Variants in CELSR1 observed in about 807,000 individuals in gnomAD.
CELSR1 encodes the protein cadherin EGF LAG seven-pass G-type receptor 1.
A neutral mutation model predicts 249.1 loss-of-function variants in CELSR1; 110 were observed. That is an observed-to-expected ratio of 0.44 (90% CI 0.38 to 0.52). The LOEUF is 0.52. Ranked by LOEUF, CELSR1 falls within the 20% of genes least tolerant of loss-of-function variation. The pLI is 0.00. For synonymous variants in CELSR1, 2,113 were observed against 1,900.0 expected (o/e 1.11, Z -2.92); for missense variants, 4,109 against 4,296.4 (o/e 0.96, Z 1.22).
At chr22:46,453,519 TAA>T (rs1368109348) in intron 2 of CELSR1, among the ~76,000 whole-genome samples, 2 of 152,208 alleles carry the variant, frequency 1.3e-5, no homozygotes, top group Non-Finnish European at 2.9e-5. Context: ...CTTCATCTGA[TAA>T]GTGTAACCCC....
chr22:46,415,683 T>C (rs916237601), intron 5 of CELSR1, among the ~76,000 whole-genome samples: 5 of 151,866 alleles, frequency 3.3e-5, no homozygotes, highest in African/African-American at 1.2e-4. Flanking sequence ...CCTGCCACTC[T>C]CCACCTGAAG....
In CELSR1 at chr22:46,484,053, A is replaced by C. The variant is rs747719868; in HGVS notation, c.3545-19708T>G. Among the ~76,000 whole-genome samples, 2 of 152,210 alleles carry C rather than the reference A, an allele frequency of 1.3e-5. No homozygotes were observed. The highest frequency in any genetic ancestry group is 2.9e-5 in the Non-Finnish European group (2 of 68,036). ...ATTTCACGGAGCACAGAACATTCCC[A>C]GGCTCCCACGGGCTCCCACGCTCTG... On this transcript the variant is annotated intron_variant, in intron 1 of 34. Transcript: ENST00000674500. The surrounding 1 kb of genome is among the most constrained non-coding windows in gnomAD (Gnocchi z 4.5).
At chr22:46,424,005 G>A (rs1335078654) in intron 5 of CELSR1, among the ~76,000 whole-genome samples, 1 of 152,114 alleles carries the variant, frequency 6.6e-6, no homozygotes, top group Non-Finnish European at 1.5e-5. Flanking sequence ...TGTTGTTTTG[G>A]AGAGCATAGG....
At chr22:46,422,677 G>A (rs1352466000) in intron 5 of CELSR1, among the ~76,000 whole-genome samples, 1 of 151,456 alleles carries the variant, frequency 6.6e-6, no homozygotes, top group Non-Finnish European at 1.5e-5. Flanking sequence ...TGAGGCAGGA[G>A]AATGGTGTGA....
At chr22:46,508,462 C>T (rs1346264669) in intron 1 of CELSR1, among the ~76,000 whole-genome samples, 34 of 148,160 alleles carry the variant, frequency 2.3e-4, no homozygotes, top group Non-Finnish European at 9.0e-5. Flanking sequence ...GCTGTCCCCT[C>T]GCTGTCCCCT....
rs141590674 is a variant in CELSR1, at chr22:46,377,114, G to C, written c.7531C>G (p.Leu2511Val). 3.9e-5 allele frequency: 63 copies of C among 1,613,564 alleles called. No individual in the cohort carries two copies. The African/African-American group carries it at 8.3e-4, about 21-fold the overall frequency. Residue 2511 changes from leucine to valine, a missense_variant, in exon 24 of 35, where the codon CTC becomes GTC. Leu to Val is a conservative substitution (Grantham distance 32). This residue lies in a region of CELSR1 where 1,805 missense variants were observed against 1,831.6 expected (regional missense o/e 0.99). Transcript: ENST00000674500. ...ACGAACACCAGCTGAGAGAGGAAGA[G>C]CGCCACGGCGAGGTGCTTGTGAATG... is the stretch of plus-strand genomic sequence containing the variant. ...HSIHKHLAVA[L>V]FLSQLVFVIG...
Position 46,468,339 on chromosome 22 carries a change from T to C in CELSR1, c.3545-3994A>G, listed in dbSNP as rs2080119716. On this transcript the variant is annotated intron_variant, in intron 1 of 34. Transcript: ENST00000674500. This position sits in a 1 kb window ranked among gnomAD's most constrained non-coding sequence, Gnocchi z 4.5. The stretch of plus-strand genomic sequence containing the variant: ...AGGTGGAGGTTGTGGTGAGCCAAGA[T>C]CATACCACTGCACTCCAGCCTGGGC... Among the ~76,000 whole-genome samples, 1 of 147,962 alleles carries C rather than the reference T, an allele frequency of 6.8e-6. No individual in the cohort carries two copies. The highest frequency in any genetic ancestry group is 2.5e-5 in the African/African-American group (1 of 39,674).
rs1463157041 is a variant in CELSR1, at chr22:46,535,318, C to G, written c.1853G>C (p.Gly618Ala). The change falls in exon 1 of 35, where the codon GGG (glycine) becomes GCG (alanine). Residue 618 changes from glycine (G) to alanine (A), a missense_variant. Coordinates refer to ENST00000674500, the MANE Select transcript of CELSR1 (RefSeq NM_001378328.1). ...ASTFLGGGSA[G>A]PKNPAPTPDF... is the part of the protein sequence containing the mutation. ...AGGGGTGGGGGCAGGATTCTTAGGC[C>G]CAGCGCTGCCGCCCCCCAGAAAGGT... 6.2e-6 allele frequency: 10 copies of G among 1,611,956 alleles called. No homozygotes were observed. Among genetic ancestry groups the G allele is most frequent in the Non-Finnish European group, 8.5e-6 (10 of 1,179,986 alleles).
intron 19 of CELSR1, 48 bp from the exon 20 acceptor site, chr22:46,384,734 G>C (rs1569122134): frequency 6.4e-7 from 1 of 1,562,182 alleles, no homozygotes; most frequent in Non-Finnish European, 8.7e-7. Context: ...GGGCTTTCTT[G>C]AACCCCTGCT....
Position 46,364,625 on chromosome 22 carries a change from C to T in CELSR1, c.8666G>A (p.Ser2889Asn). 6 of 1,612,726 alleles carry T rather than the reference C, an allele frequency of 3.7e-6. No individual in the cohort carries two copies. In the African/African-American group the frequency reaches 5.3e-5, roughly 14 times the overall value. ...KPRLKVETKVSVELHREEQGS... is the reference protein window; with the variant it reads ...KPRLKVETKVNVELHREEQGS... ...CTGCTCCTCGCGGTGCAGCTCCACG[C>T]TGACCTTGGTCTCCACCTTCAGGCG... The change falls in exon 33 of 35, where the codon AGC becomes AAC. Residue 2889 changes from serine to asparagine, a missense_variant. Coordinates refer to ENST00000674500, the MANE Select transcript of CELSR1 (RefSeq NM_001378328.1).
rs572632756 is a variant in CELSR1 at position 46,432,497 on chromosome 22, G to A, written c.4611+896C>T. ...TCCAGGAGGAGCCGGTAAGACCCACGCAGACCCACGAGCAAGCGGGGGCAC... is the reference window on the plus strand; with the variant it reads ...TCCAGGAGGAGCCGGTAAGACCCACACAGACCCACGAGCAAGCGGGGGCAC... On this transcript the variant is annotated intron_variant, in intron 5 of 34. Coordinates refer to ENST00000674500, the MANE Select transcript of CELSR1 (RefSeq NM_001378328.1). Among the ~76,000 whole-genome samples the A allele has an allele frequency of 1.5e-3, 225 of 152,322 alleles. 1 individual carries two copies. The highest frequency in any genetic ancestry group is 5.1e-3 in the African/African-American group (211 of 41,566).
intron 14 of CELSR1, among the ~76,000 whole-genome samples, chr22:46,392,937 C>G (rs186229640): frequency 5.3e-5 from 8 of 152,302 alleles, no homozygotes; most frequent in Admixed American, 2.0e-4. Context: ...CTGCCACCCA[C>G]TATGCCACCA....
At position 46,464,289 on chromosome 22, in the gene CELSR1, C is replaced by A. The variant is rs746784282; in HGVS notation, c.3601G>T (p.Asp1201Tyr). Residue 1201 changes from aspartate to tyrosine, a missense_variant, in exon 2 of 35, where the codon GAC becomes TAC. Physicochemically the swap from Asp to Tyr is radical, Grantham distance 160. This residue lies in a region of CELSR1 where 886 missense variants were observed against 896.5 expected (regional missense o/e 0.99). Transcript: ENST00000674500. The surrounding 1 kb of genome is among the most constrained non-coding windows in gnomAD (Gnocchi z 8.5). The stretch of plus-strand genomic sequence containing the variant: ...ACAGTGATGCTGTTGGTCAGCATGT[C>A]GTCCGTGATGATGGTGACACGCAGG... Reference protein sequence around the residue: ...CTLRVTIITDDMLTNSITVRL... With the variant: ...CTLRVTIITDYMLTNSITVRL... 12 of 1,613,392 alleles carry A rather than the reference C, an allele frequency of 7.4e-6. No individual in the cohort carries two copies. Among genetic ancestry groups the A allele is most frequent in the Non-Finnish European group, 1.0e-5 (12 of 1,180,028 alleles).
chr22:46,467,507 T>TTATA (rs57411071), intron 1 of CELSR1, among the ~76,000 whole-genome samples: 11 of 150,122 alleles, frequency 7.3e-5, no homozygotes, highest in South Asian at 2.1e-4. Context: ...CACGAACATG[T>TTATA]TATATATATA....
chr22:46,395,957 C>T lies in CELSR1; in HGVS notation c.5843+648G>A, dbSNP rs921658636. 6.6e-6 allele frequency among the ~76,000 whole-genome samples: 1 copy of T among 152,162 alleles called. No individual in the cohort carries two copies. Among genetic ancestry groups the T allele is most frequent in the Non-Finnish European group, 1.5e-5 (1 of 68,024 alleles). The stretch of plus-strand genomic sequence containing the variant: ...ACATCAGAAATGACTTCAAGCCCAG[C>T]GACTCGACAGAGAAAGCATTCTCTG... On this transcript the variant is annotated intron_variant, in intron 13 of 34. Transcript: ENST00000674500. This position sits in a 1 kb window ranked among gnomAD's most constrained non-coding sequence, Gnocchi z 5.5.
rs144074803 is a variant in CELSR1 at position 46,533,744 on chromosome 22, C to T, written c.3427G>A (p.Val1143Met). Residue 1143 changes from valine (V) to methionine (M), a missense_variant, in exon 1 of 35, where the codon GTG becomes ATG. This residue lies in a region of CELSR1 where 886 missense variants were observed against 896.5 expected (regional missense o/e 0.99). Transcript: ENST00000674500. Reference protein sequence around the residue: ...DVSDSLNYTFVQGNELRLLLL... With the variant: ...DVSDSLNYTFMQGNELRLLLL... The stretch of plus-strand genomic sequence containing the variant: ...AACAGGCGCAGCTCGTTGCCCTGCA[C>T]GAAGGTGTAGTTGAGGCTGTCTGAC... The T allele has an allele frequency of 1.9e-6, 3 of 1,613,362 alleles. No individual in the cohort carries two copies. The highest frequency in any genetic ancestry group is 2.5e-6 in the Non-Finnish European group (3 of 1,180,026).
rs2079276249 is a variant in CELSR1 at position 46,407,172 on chromosome 22, A to G, written c.5226+1824T>C. The stretch of plus-strand genomic sequence containing the variant: ...GATAATGAACAACCAGAAGGAAGTC[A>G]GTGCTGCTCTGAGACCATGTGCACC... On this transcript the variant is annotated intron_variant, in intron 9 of 34. Coordinates refer to ENST00000674500, the MANE Select transcript of CELSR1 (RefSeq NM_001378328.1). The surrounding 1 kb of genome is among the most constrained non-coding windows in gnomAD (Gnocchi z 4.8). Among the ~76,000 whole-genome samples the G allele has an allele frequency of 6.6e-6, 1 of 152,232 alleles. No homozygotes were observed. The highest frequency in any genetic ancestry group is 1.5e-5 in the Non-Finnish European group (1 of 68,050).
intron 1 of CELSR1, among the ~76,000 whole-genome samples, chr22:46,525,736 G>A (rs989232445): frequency 1.3e-5 from 2 of 152,208 alleles, no homozygotes; most frequent in African/African-American, 2.4e-5. Context: ...CCCAGCTAAG[G>A]TGGCCGCTGC....
chr22:46,432,428 C>T (rs897985098), intron 5 of CELSR1, among the ~76,000 whole-genome samples: 14 of 152,310 alleles, frequency 9.2e-5, no homozygotes, highest in South Asian at 8.3e-4. Flanking sequence ...TAGGCCCCAG[C>T]CTTGTGAAGT....
Sources: allele counts gnomAD v4.1 joint callset (sites outside exome capture counted in the v4.1 genomes callset), GRCh38; gene constraint gnomAD v4.1.1; regional missense constraint gnomAD v4.1.1; non-coding constraint Gnocchi (gnomAD v3.1); transcripts MANE v1.5; gene names NCBI Gene and HGNC (gene_info 2026-07-23, HGNC 2026-07-21).